The following IGSF3 variants were observed in gnomAD, a reference collection of about 807,000 sequenced individuals.
IGSF3 encodes the protein glu-Trp-Ile EWI motif-containing protein 3.
IGSF3 carries 23 observed loss-of-function variants against 114.4 expected under a neutral mutation model. The observed-to-expected ratio is 0.20, with a 90% CI of 0.14 to 0.28. IGSF3 has a LOEUF of 0.28. Among genes scored for constraint, IGSF3 ranks in the 10% least tolerant of loss-of-function variants. IGSF3 has a pLI of 1.00. For synonymous variants in IGSF3, 571 were observed against 645.2 expected (o/e 0.88, Z 1.74); for missense variants, 1,172 against 1,591.5 (o/e 0.74, Z 4.48).
In IGSF3 at chr1:116,636,745, C is replaced by G. The variant is rs1056296990; in HGVS notation, c.44-20288G>C. ...AGGGCCCTCCTTCTGTCCCACCCAG[C>G]TTTCTCACCACCCACCCCACCCCTT... On this transcript the variant is annotated intron_variant, in intron 2 of 10. Coordinates refer to ENST00000369486, the MANE Select transcript of IGSF3 (RefSeq NM_001007237.3). This position sits in a 1 kb window ranked among gnomAD's most constrained non-coding sequence, Gnocchi z 4.5. Among the ~76,000 whole-genome samples, 2 of 152,110 alleles carry G rather than the reference C, an allele frequency of 1.3e-5. No individual in the cohort carries two copies. Among genetic ancestry groups the G allele is most frequent in the Non-Finnish European group, 2.9e-5 (2 of 68,026 alleles).
At position 116,589,511 on chromosome 1, in the gene IGSF3, T is replaced by C. The variant is rs1660001706; in HGVS notation, c.2030-407A>G. Reference sequence around the variant, plus strand: ...TCAGGATCTGGCCTTCACCCAAGTGTCCTGACTCATCTCTCACGACTCACC... The same window carrying C: ...TCAGGATCTGGCCTTCACCCAAGTGCCCTGACTCATCTCTCACGACTCACC... On this transcript the variant is annotated intron_variant, in intron 7 of 10. Coordinates refer to ENST00000369486, the MANE Select transcript of IGSF3 (RefSeq NM_001007237.3). This position sits in a 1 kb window ranked among gnomAD's most constrained non-coding sequence, Gnocchi z 5.7. Among the ~76,000 whole-genome samples, 1 of 152,036 alleles carries C rather than the reference T, an allele frequency of 6.6e-6. No individual in the cohort carries two copies. Among genetic ancestry groups the C allele is most frequent in the Admixed American group, 6.5e-5 (1 of 15,270 alleles).
Position 116,614,093 on chromosome 1 carries a change from C to T in IGSF3, c.504G>A (p.Glu168=), listed in dbSNP as rs760632645. Residue 168 remains glutamate (E), a synonymous_variant, in exon 4 of 11, where the codon GAG becomes GAA. Coordinates refer to ENST00000369486, the MANE Select transcript of IGSF3 (RefSeq NM_001007237.3). The surrounding 1 kb of genome is among the most constrained non-coding windows in gnomAD (Gnocchi z 4.5). ...VEQDPLELTC[E]VASETIQHSH... Reference sequence around the variant, plus strand: ...TGTGCTGAATGGTCTCTGAGGCCACCTCACAAGTGAGCTCCAGCGGGTCCT... The same window carrying T: ...TGTGCTGAATGGTCTCTGAGGCCACTTCACAAGTGAGCTCCAGCGGGTCCT... The T allele has an allele frequency of 1.5e-5, 25 of 1,614,108 alleles. No individual in the cohort carries two copies. Among genetic ancestry groups the T allele is most frequent in the Non-Finnish European group, 2.1e-5 (25 of 1,180,026 alleles).
Position 116,613,908 on chromosome 1 carries a change from C to A in IGSF3, c.689G>T (p.Arg230Leu). 1 of 1,613,872 alleles carries A rather than the reference C, an allele frequency of 6.2e-7. No individual in the cohort carries two copies. The highest frequency in any genetic ancestry group is 8.5e-7 in the Non-Finnish European group (1 of 1,179,824). The part of the protein sequence containing the change: ...RLDKLGRTTF[R>L]LTIFHLQPSD... ...AGGCTGCAGGTGGAAGATGGTGAGGCGGAAGGTGGTCCTCCCCAGCTTGTC... is the reference window on the plus strand; with the variant it reads ...AGGCTGCAGGTGGAAGATGGTGAGGAGGAAGGTGGTCCTCCCCAGCTTGTC... Residue 230 changes from arginine to leucine, a missense_variant, in exon 4 of 11, where the codon CGC (arginine) becomes CTC (leucine). Physicochemically the swap from Arg to Leu is moderately radical, Grantham distance 102. Around this residue, in one of 3 missense-constraint regions of IGSF3, gnomAD observed 736 missense variants for 1,042.0 expected, o/e 0.71. Transcript: ENST00000369486.
intron 1 of IGSF3, among the ~76,000 whole-genome samples, 199 bp from the exon 2 acceptor site, chr1:116,667,155 G>A (rs2101097575): frequency 6.6e-6 from 1 of 152,266 alleles, no homozygotes; most frequent in South Asian, 2.1e-4. Context: ...TGGGAAGCCC[G>A]ATTGTTCCTG....
chr1:116,610,839 T>C lies in IGSF3; in HGVS notation c.833-2508A>G, dbSNP rs1462929817. On this transcript the variant is annotated intron_variant, in intron 4 of 10. Coordinates refer to ENST00000369486, the MANE Select transcript of IGSF3 (RefSeq NM_001007237.3). This position sits in a 1 kb window ranked among gnomAD's most constrained non-coding sequence, Gnocchi z 4.3. ...TGTGTCTGAGGACCCACTGGGTGTT[T>C]CGCATACTGAGCATCTCTATCAGAG... Among the ~76,000 whole-genome samples the C allele has an allele frequency of 2.0e-5, 3 of 152,224 alleles. No homozygotes were observed. The highest frequency in any genetic ancestry group is 2.9e-5 in the Non-Finnish European group (2 of 68,050).
At chr1:116,599,103 G>A (rs1660463737) in intron 7 of IGSF3, among the ~76,000 whole-genome samples, 1 of 152,078 alleles carries the variant, frequency 6.6e-6, no homozygotes, top group African/African-American at 2.4e-5. Flanking sequence ...TTCACTAGGT[G>A]GAGCCTAGTG....
In IGSF3 at chr1:116,598,325, G is replaced by A. The variant is rs560469190; in HGVS notation, c.2029+1616C>T. On this transcript the variant is annotated intron_variant, in intron 7 of 10. Coordinates refer to ENST00000369486, the MANE Select transcript of IGSF3 (RefSeq NM_001007237.3). The surrounding 1 kb of genome is among the most constrained non-coding windows in gnomAD (Gnocchi z 4.3). ...AATAATGCAGGCAAGTGGGTACCTC[G>A]ACATTTTCCACAACAAGGGTTCACA... Among the ~76,000 whole-genome samples the A allele has an allele frequency of 6.6e-5, 10 of 151,994 alleles. No individual in the cohort carries two copies. In the South Asian group the frequency reaches 1.9e-3, roughly 28 times the overall value.
At chr1:116,620,044 T>C (rs1398348970) in intron 2 of IGSF3, among the ~76,000 whole-genome samples, 3 of 152,242 alleles carry the variant, frequency 2.0e-5, no homozygotes, top group Non-Finnish European at 4.4e-5. Flanking sequence ...AAATAATGCA[T>C]GTTTGCTATA....
At chr1:116,631,002 C>A (rs1248892916) in intron 2 of IGSF3, among the ~76,000 whole-genome samples, 2 of 152,102 alleles carry the variant, frequency 1.3e-5, no homozygotes, top group African/African-American at 4.8e-5. Context: ...CAGGCCAGGG[C>A]AGGGATAGGG....
rs183665966 is a variant in IGSF3, at chr1:116,628,283, C to T, written c.44-11826G>A. Among the ~76,000 whole-genome samples the T allele has an allele frequency of 3.2e-3, 489 of 152,340 alleles. 3 individuals carry two copies. Among genetic ancestry groups the T allele is most frequent in the African/African-American group, 0.011 (465 of 41,580 alleles). ...ACTCTTCAGGGACAAAGTTCCTTTACTCAGCCATAGTTTCTGTGCTCCAAA... is the reference window on the plus strand; with the variant it reads ...ACTCTTCAGGGACAAAGTTCCTTTATTCAGCCATAGTTTCTGTGCTCCAAA... On this transcript the variant is annotated intron_variant, in intron 2 of 10. Coordinates refer to ENST00000369486, the MANE Select transcript of IGSF3 (RefSeq NM_001007237.3). This position sits in a 1 kb window ranked among gnomAD's most constrained non-coding sequence, Gnocchi z 4.2.
Position 116,589,161 on chromosome 1 carries a change from C to T in IGSF3, c.2030-57G>A. 3.3e-6 allele frequency: 5 copies of T among 1,519,416 alleles called. No homozygotes were observed. The highest frequency in any genetic ancestry group is 4.5e-6 in the Non-Finnish European group (5 of 1,111,058). 94.1% of individuals were successfully genotyped at this position (1,519,416 alleles called of 1,614,324 possible). A position where few individuals can be genotyped will look rare whatever the true frequency, so the allele number is the denominator to read the frequency against. ...ACAGACTCCCAGAAACGTGGCCCAT[C>T]CACCTCCAGGCTCTGAGCCAGGTTT... On this transcript the variant is annotated intron_variant, in intron 7 of 10. Coordinates refer to ENST00000369486, the MANE Select transcript of IGSF3 (RefSeq NM_001007237.3). This position sits in a 1 kb window ranked among gnomAD's most constrained non-coding sequence, Gnocchi z 5.7.
At chr1:116,653,111 C>G (rs1648699765) in intron 2 of IGSF3, among the ~76,000 whole-genome samples, 1 of 152,188 alleles carries the variant, frequency 6.6e-6, no homozygotes, top group South Asian at 2.1e-4. Context: ...CGGATGCAGG[C>G]AGGATGATCA....
chr1:116,583,604 G>A lies in IGSF3; in HGVS notation c.2848+1041C>T, dbSNP rs1215505983. ...GTGAAAACTTCCAGTAGTGCCCAAGGCCACAAATGTGAATGTCAGGATGCT... is the reference window on the plus strand; with the variant it reads ...GTGAAAACTTCCAGTAGTGCCCAAGACCACAAATGTGAATGTCAGGATGCT... On this transcript the variant is annotated intron_variant, in intron 9 of 10. Transcript: ENST00000369486. This position sits in a 1 kb window ranked among gnomAD's most constrained non-coding sequence, Gnocchi z 4.5. Among the ~76,000 whole-genome samples the A allele has an allele frequency of 3.3e-5, 5 of 152,142 alleles. No individual in the cohort carries two copies. Among genetic ancestry groups the A allele is most frequent in the African/African-American group, 7.2e-5 (3 of 41,430 alleles).
rs560738854 is a variant in IGSF3 at position 116,636,166 on chromosome 1, G to A, written c.44-19709C>T. 9.4e-4 allele frequency among the ~76,000 whole-genome samples: 143 copies of A among 152,210 alleles called. No individual in the cohort carries two copies. The highest frequency in any genetic ancestry group is 3.0e-3 in the African/African-American group (123 of 41,538). ...CAAAGCCTCTTGTCTCCTGAGAGCC[G>A]CTCCACAATCACCTTCCCAAGAAGA... On this transcript the variant is annotated intron_variant, in intron 2 of 10. Coordinates refer to ENST00000369486, the MANE Select transcript of IGSF3 (RefSeq NM_001007237.3). This position sits in a 1 kb window ranked among gnomAD's most constrained non-coding sequence, Gnocchi z 4.5.
chr1:116,587,819 G>A (rs1349754830), intron 8 of IGSF3, among the ~76,000 whole-genome samples: 1 of 152,182 alleles, frequency 6.6e-6, no homozygotes, highest in African/African-American at 2.4e-5. Flanking sequence ...GAGGCTCTGG[G>A]TGGCAACACA....
rs973671682 is a variant in IGSF3, at chr1:116,655,372, G to T, written c.43+10912C>A. Among the ~76,000 whole-genome samples the T allele has an allele frequency of 6.6e-6, 1 of 152,220 alleles. No individual in the cohort carries two copies. Among genetic ancestry groups the T allele is most frequent in the Non-Finnish European group, 1.5e-5 (1 of 68,034 alleles). On this transcript the variant is annotated intron_variant, in intron 2 of 10. Coordinates refer to ENST00000369486, the MANE Select transcript of IGSF3 (RefSeq NM_001007237.3). The surrounding 1 kb of genome is among the most constrained non-coding windows in gnomAD (Gnocchi z 4.3). ...ATGACTATGACACATGAATCCCACAGCCATCTCTCCAAAAGAACAACTATT... is the reference window on the plus strand; with the variant it reads ...ATGACTATGACACATGAATCCCACATCCATCTCTCCAAAAGAACAACTATT...
rs1648161622 is a variant in IGSF3 at position 116,642,667 on chromosome 1, G to A, written c.43+23617C>T. Among the ~76,000 whole-genome samples, 1 of 152,262 alleles carries A rather than the reference G, an allele frequency of 6.6e-6. No individual in the cohort carries two copies. The highest frequency in any genetic ancestry group is 2.1e-4 in the South Asian group (1 of 4,838). ...TGATGGTTGGAACTGGGCGCTCCGA[G>A]GCTGTGGGCCGGTGTCCTGCCCTGA... On this transcript the variant is annotated intron_variant, in intron 2 of 10. Transcript: ENST00000369486. This position sits in a 1 kb window ranked among gnomAD's most constrained non-coding sequence, Gnocchi z 5.4.
At position 116,615,869 on chromosome 1, in the gene IGSF3, A is replaced by G. The variant is rs1156823424; in HGVS notation, c.421+211T>C. ...AACTTATGAAATTCTTAACATCTGC[A>G]TTAGACCTTTTTAAAGTTTCACCCT... On this transcript the variant is annotated intron_variant, in intron 3 of 10. Coordinates refer to ENST00000369486, the MANE Select transcript of IGSF3 (RefSeq NM_001007237.3). This position sits in a 1 kb window ranked among gnomAD's most constrained non-coding sequence, Gnocchi z 4.3. Among the ~76,000 whole-genome samples, 3 of 152,242 alleles carry G rather than the reference A, an allele frequency of 2.0e-5. No homozygotes were observed. Among genetic ancestry groups the G allele is most frequent in the African/African-American group, 2.4e-5 (1 of 41,458 alleles).
At chr1:116,646,000 G>A (rs774593257) in intron 2 of IGSF3, among the ~76,000 whole-genome samples, 7 of 152,192 alleles carry the variant, frequency 4.6e-5, no homozygotes, top group East Asian at 1.9e-4. Context: ...AGCCAGGGCC[G>A]AATTGCTGCT....
Sources: allele counts gnomAD v4.1 joint callset (sites outside exome capture counted in the v4.1 genomes callset), GRCh38; gene constraint gnomAD v4.1.1; regional missense constraint gnomAD v4.1.1; non-coding constraint Gnocchi (gnomAD v3.1); transcripts MANE v1.5; gene names NCBI Gene and HGNC (gene_info 2026-07-23, HGNC 2026-07-21).